Variants in POU2F1 observed in about 807,000 individuals in gnomAD.
The protein encoded by POU2F1 is POU class 2 homeobox 1.
A neutral mutation model predicts 84.9 loss-of-function variants in POU2F1; 16 were observed. The observed-to-expected ratio is 0.19, with a 90% CI of 0.13 to 0.29. POU2F1 has a LOEUF of 0.29. Among genes scored for constraint, POU2F1 ranks in the 10% least tolerant of loss-of-function variants. The pLI is 1.00. For synonymous variants in POU2F1, 368 were observed against 368.3 expected (o/e 1.00, Z 0.01); for missense variants, 738 against 942.6 (o/e 0.78, Z 2.84).
At chr1:167,258,888 A>G (rs567136643) in intron 1 of POU2F1, among the ~76,000 whole-genome samples, 2 of 152,380 alleles carry the variant, frequency 1.3e-5, no homozygotes, top group South Asian at 4.1e-4. Context: ...GTTTCTTATC[A>G]AAACTTTTGC....
intron 3 of POU2F1, among the ~76,000 whole-genome samples, chr1:167,369,733 A>G (rs34607330): frequency 0.1 from 15,647 of 152,196 alleles, 1,996 homozygotes; most frequent in African/African-American, 0.31. Flanking sequence ...TGGAACATTC[A>G]AAATTAAAAT....
intron 2 of POU2F1, among the ~76,000 whole-genome samples, chr1:167,352,240 A>G (rs954571432): frequency 2.0e-5 from 3 of 152,236 alleles, no homozygotes; most frequent in East Asian, 1.9e-4. Flanking sequence ...TTTTTTGACA[A>G]AGTTGTCCTT....
chr1:167,239,257 T>A (rs2102365672), intron 1 of POU2F1, among the ~76,000 whole-genome samples: 1 of 152,380 alleles, frequency 6.6e-6, no homozygotes, highest in Middle Eastern at 3.4e-3. Context: ...TTAAATAGTC[T>A]ACTTTAAAAG....
intron 2 of POU2F1, among the ~76,000 whole-genome samples, chr1:167,333,539 A>T (rs1359567377): frequency 6.6e-6 from 1 of 152,126 alleles, no homozygotes; most frequent in Non-Finnish European, 1.5e-5. Context: ...AGTTGGACTA[A>T]TGTAGCAGTT....
At chr1:167,329,421 A>G (rs1166729319) in intron 1 of POU2F1, 4 of 1,247,834 alleles carry the variant, frequency 3.2e-6, no homozygotes, top group Non-Finnish European at 4.5e-6. Context: ...GGAGGGGGAG[A>G]GTTGGACTGA....
At chr1:167,356,295 C>T (rs1658932093) in intron 2 of POU2F1, among the ~76,000 whole-genome samples, 1 of 151,296 alleles carries the variant, frequency 6.6e-6, no homozygotes, top group Non-Finnish European at 1.5e-5. Flanking sequence ...GCCACCCTGC[C>T]TGGCCACAAA....
rs142755638 is a variant in POU2F1 at position 167,325,505 on chromosome 1, A to G, written c.62-6965A>G. Among the ~76,000 whole-genome samples the G allele has an allele frequency of 7.3e-3, 1,111 of 152,308 alleles. 14 individuals are homozygous for G. The highest frequency in any genetic ancestry group is 0.025 in the African/African-American group (1,044 of 41,568). ...TCACATAAAAGGTGTGTTTTAAAACACTAGTTTGTGATTTAGTTGTCATTG... is the reference window on the plus strand; with the variant it reads ...TCACATAAAAGGTGTGTTTTAAAACGCTAGTTTGTGATTTAGTTGTCATTG... On this transcript the variant is annotated intron_variant, in intron 1 of 15. Coordinates refer to ENST00000367866, the MANE Select transcript of POU2F1 (RefSeq NM_002697.4).
chr1:167,319,894 A>G (rs952727992), intron 1 of POU2F1, among the ~76,000 whole-genome samples: 1 of 152,214 alleles, frequency 6.6e-6, no homozygotes, highest in Non-Finnish European at 1.5e-5. Flanking sequence ...ATCACTTGGT[A>G]ATAGCTTTAG....
intron 10 of POU2F1, chr1:167,396,938 C>A (rs1272081396): frequency 1.3e-5 from 2 of 153,492 alleles, no homozygotes; most frequent in Non-Finnish European, 2.9e-5. Flanking sequence ...GTCACAGGAT[C>A]ATAGACTATG....
At chr1:167,401,361 A>G in intron 12 of POU2F1, 90 bp from the exon 13 acceptor site, 2 of 842,866 alleles carry the variant, frequency 2.4e-6, no homozygotes, top group Non-Finnish European at 1.8e-6. Context: ...AGGTGTCTCA[A>G]TTCCAAGATC....
In POU2F1 at chr1:167,422,378, G is replaced by A. The variant is rs1268903578; in HGVS notation, c.*6568G>A. 1 of 152,228 alleles carries A rather than the reference G, an allele frequency of 6.6e-6. No homozygotes were observed. Among genetic ancestry groups the A allele is most frequent in the African/African-American group, 2.4e-5 (1 of 41,444 alleles). 9.4% of individuals were successfully genotyped at this position (152,228 alleles called of 1,614,324 possible). On this transcript the variant is annotated 3_prime_UTR_variant, in exon 16 of 16. Coordinates refer to ENST00000367866, the MANE Select transcript of POU2F1 (RefSeq NM_002697.4). ...GTTGCCCTCTGTCAAGTTACTGAAT[G>A]TTGTGCTAATAACACAACACTTTAA...
chr1:167,304,212 T>G (rs1654900827), intron 1 of POU2F1, among the ~76,000 whole-genome samples: 1 of 152,220 alleles, frequency 6.6e-6, no homozygotes, highest in South Asian at 2.1e-4. Context: ...ACATGGATTT[T>G]TCTTTTGATA....
chr1:167,338,809 C>A (rs1310985458), intron 2 of POU2F1, among the ~76,000 whole-genome samples: 1 of 152,112 alleles, frequency 6.6e-6, no homozygotes, highest in African/African-American at 2.4e-5. Flanking sequence ...TTTATGCATT[C>A]ATTTGTTAAT....
At chr1:167,298,475 G>T (rs1239417592) in intron 1 of POU2F1, among the ~76,000 whole-genome samples, 2 of 152,192 alleles carry the variant, frequency 1.3e-5, no homozygotes, top group Non-Finnish European at 2.9e-5. Flanking sequence ...TGCTCTGTAT[G>T]TAAAGTCAAG....
chr1:167,234,812 AT>A (rs751801431), intron 1 of POU2F1, among the ~76,000 whole-genome samples: 1 of 152,264 alleles, frequency 6.6e-6, no homozygotes, highest in East Asian at 1.9e-4. Flanking sequence ...CAGCATTTAT[AT>A]TTTTTTGTGA....
At chr1:167,333,175 T>C (rs763251475) in intron 2 of POU2F1, among the ~76,000 whole-genome samples, 1 of 152,128 alleles carries the variant, frequency 6.6e-6, no homozygotes, top group Non-Finnish European at 1.5e-5. Context: ...AAAATTATCA[T>C]ATAAATGAGA....
intron 1 of POU2F1, among the ~76,000 whole-genome samples, chr1:167,290,352 G>T (rs1333879267): frequency 6.6e-6 from 1 of 152,152 alleles, no homozygotes; most frequent in South Asian, 2.1e-4. Flanking sequence ...GGCAGTGATC[G>T]TGCCATTGCA....
intron 3 of POU2F1, among the ~76,000 whole-genome samples, chr1:167,369,623 A>G (rs1039782866): frequency 6.6e-6 from 1 of 152,174 alleles, no homozygotes; most frequent in Non-Finnish European, 1.5e-5. Flanking sequence ...TTTATAGGGT[A>G]GATTTTCTAT....
At chr1:167,273,671 GC>G (rs1408259170) in intron 1 of POU2F1, among the ~76,000 whole-genome samples, 1 of 152,196 alleles carries the variant, frequency 6.6e-6, no homozygotes, top group Non-Finnish European at 1.5e-5. Context: ...TTTATGCCTT[GC>G]CTATTATGTC....
Sources: gnomAD v4.1 joint callset for allele counts (sites outside exome capture counted in the v4.1 genomes callset) on GRCh38, gnomAD v4.1.1 for gene constraint, MANE v1.5 for transcripts, NCBI Gene and HGNC (gene_info 2026-07-23, HGNC 2026-07-21) for gene names.